Variants in JDP2 observed in about 807,000 individuals in gnomAD.
The protein encoded by JDP2 is progesterone receptor co-activator.
JDP2 carries 9 observed loss-of-function variants against 17.1 expected under a neutral mutation model. That is an observed-to-expected ratio of 0.53 (90% CI 0.32 to 0.92). The LOEUF is 0.92. Among genes scored for constraint, JDP2 ranks in the 40% least tolerant of loss-of-function variants. The pLI, the probability that JDP2 is intolerant of heterozygous loss-of-function variation, is 0.04. For missense variants in JDP2, 179 were observed against 220.0 expected, an observed-to-expected ratio of 0.81 and a Z score of 1.18; for synonymous variants, 107 against 95.6, an observed-to-expected ratio of 1.12 and a Z score of -0.69.
chr14:75,436,659 G>A (rs960463508), intron 1 of JDP2, among the ~76,000 whole-genome samples: 1 of 152,234 alleles, frequency 6.6e-6, no homozygotes, highest in African/African-American at 2.4e-5. Flanking sequence ...TGGATGGATG[G>A]GTAGGTAGGA....
intron 2 of JDP2, among the ~76,000 whole-genome samples, chr14:75,438,564 C>T (rs2052471219): frequency 1.3e-5 from 2 of 152,232 alleles, no homozygotes; most frequent in Admixed American, 1.3e-4. Context: ...TCATTAGTCA[C>T]ATCGTGACCT....
chr14:75,442,402 T>C (rs1010701739), intron 2 of JDP2, among the ~76,000 whole-genome samples: 2 of 152,156 alleles, frequency 1.3e-5, no homozygotes, highest in African/African-American at 4.8e-5. Context: ...CATTCCCCAC[T>C]ACTCACTGAT....
At chr14:75,461,636 C>A in intron 3 of JDP2, 106 bp downstream of exon 3, 2 of 853,498 alleles carry the variant, frequency 2.3e-6, no homozygotes, top group Admixed American at 2.1e-5. Context: ...TGAGCATCTG[C>A]TGGCAGCTGC....
intron 1 of JDP2, chr14:75,432,012 GC>G: frequency 2.1e-6 from 1 of 483,636 alleles, no homozygotes; most frequent in Non-Finnish European, 3.7e-6. Context: ...TAGGGAACTT[GC>G]CCAAGGGCAC....
chr14:75,472,850 A>C lies in JDP2; in HGVS notation c.*3375A>C, dbSNP rs1043665074. On this transcript the variant is annotated 3_prime_UTR_variant, in exon 4 of 4. Transcript: ENST00000651602. Reference sequence around the variant, plus strand: ...TGGTGTGATGAATGCCTGGGATCGCAGACTCCTGGATCTGTTCAGCTCCTG... The same window carrying C: ...TGGTGTGATGAATGCCTGGGATCGCCGACTCCTGGATCTGTTCAGCTCCTG... 6 of 152,306 alleles carry C rather than the reference A, an allele frequency of 3.9e-5. No homozygotes were observed. Among genetic ancestry groups the C allele is most frequent in the African/African-American group, 1.4e-4 (6 of 41,452 alleles). 9.4% of individuals were successfully genotyped at this position (152,306 alleles called of 1,614,324 possible).
At chr14:75,442,723 A>C (rs1326279684) in intron 2 of JDP2, among the ~76,000 whole-genome samples, 1 of 152,228 alleles carries the variant, frequency 6.6e-6, no homozygotes, top group Middle Eastern at 3.2e-3. Context: ...CTTCTTAAAA[A>C]GTATAAATTT....
intron 2 of JDP2, among the ~76,000 whole-genome samples, chr14:75,440,443 A>G (rs1885289152): frequency 6.6e-6 from 1 of 152,268 alleles, no homozygotes; most frequent in East Asian, 1.9e-4. Context: ...ATCTATTTGC[A>G]TATGGCAAAC....
intron 2 of JDP2, among the ~76,000 whole-genome samples, chr14:75,438,949 A>T (rs1566736891): frequency 6.6e-6 from 1 of 152,202 alleles, no homozygotes; most frequent in Admixed American, 6.5e-5. Context: ...GAGGCCTGCC[A>T]GAGTAGCTGC....
intron 1 of JDP2, among the ~76,000 whole-genome samples, chr14:75,433,993 G>A (rs974695131): frequency 2.0e-5 from 3 of 152,138 alleles, no homozygotes; most frequent in South Asian, 2.1e-4. Flanking sequence ...CTTTTAGTGC[G>A]TAGTTCTTCT....
rs1006333658 is a variant in JDP2, at chr14:75,464,847, C to T, written c.306+3317C>T. Among the ~76,000 whole-genome samples the T allele has an allele frequency of 4.6e-5, 7 of 152,206 alleles. 1 individual carries two copies. The South Asian group carries it at 1.0e-3, about 22-fold the overall frequency. ...GCTGCCTCAGTACATCCTCCATCTG[C>T]GGTCAGGAGCAGTGGCCCTGAGGCT... is the stretch of plus-strand genomic sequence containing the variant. On this transcript the variant is annotated intron_variant, in intron 3 of 3. Coordinates refer to ENST00000651602, the MANE Select transcript of JDP2 (RefSeq NM_001135048.2).
In JDP2 at chr14:75,473,926, G is replaced by A. The variant is rs1438513564; in HGVS notation, c.*4451G>A. On this transcript the variant is annotated 3_prime_UTR_variant, in exon 4 of 4. Coordinates refer to ENST00000651602, the MANE Select transcript of JDP2 (RefSeq NM_001135048.2). ...GGGATGCCACTGCAAGGGTAAGTAG[G>A]ACGCTGGACTTCAACTTCAACTATA... is the stretch of plus-strand genomic sequence containing the variant. 1 of 152,224 alleles carries A rather than the reference G, an allele frequency of 6.6e-6. No individual in the cohort carries two copies. The highest frequency in any genetic ancestry group is 1.5e-5 in the Non-Finnish European group (1 of 68,048). The allele number at this position is 152,224 out of a possible 1,614,324, so 9.4% of individuals were successfully genotyped here.
chr14:75,453,384 T>C (rs1437048298), intron 2 of JDP2, among the ~76,000 whole-genome samples: 2 of 152,136 alleles, frequency 1.3e-5, no homozygotes, highest in Non-Finnish European at 2.9e-5. Context: ...GGGCTGTTAC[T>C]CCAGGCCTGC....
At chr14:75,462,969 C>A (rs1042900655) in intron 3 of JDP2, among the ~76,000 whole-genome samples, 2 of 152,194 alleles carry the variant, frequency 1.3e-5, no homozygotes, top group Non-Finnish European at 2.9e-5. Context: ...AAGACACGAG[C>A]CTTCAAGATG....
intron 3 of JDP2, among the ~76,000 whole-genome samples, chr14:75,466,139 A>G (rs1283122024): frequency 6.6e-6 from 1 of 152,186 alleles, no homozygotes; most frequent in Non-Finnish European, 1.5e-5. Flanking sequence ...GTAAAACTAA[A>G]AGGCAGTTAG....
chr14:75,450,141 C>CGAGGAGACT (rs1161926223), intron 2 of JDP2, among the ~76,000 whole-genome samples: 10 of 152,154 alleles, frequency 6.6e-5, no homozygotes, highest in Admixed American at 6.5e-4. Flanking sequence ...GGCTGAGATA[C>CGAGGAGACT]GAGGAGACTG....
chr14:75,437,413 A>G (rs901604018), intron 1 of JDP2, among the ~76,000 whole-genome samples: 14 of 152,336 alleles, frequency 9.2e-5, no homozygotes, highest in African/African-American at 3.4e-4. Context: ...CCTCTGAAAC[A>G]GGTGTGAAGG....
In JDP2 at chr14:75,459,561, G is replaced by A. The variant is rs59032306; in HGVS notation, c.202-1865G>A. On this transcript the variant is annotated intron_variant, in intron 2 of 3. Transcript: ENST00000651602. ...CTCGGGCCCAGGCGCTCTGTCCTGA[G>A]CCCCCAGAGCATGCTGGGAGTGTGC... Among the ~76,000 whole-genome samples, 529 of 152,328 alleles carry A rather than the reference G, an allele frequency of 3.5e-3. 3 individuals are homozygous for A. Among genetic ancestry groups the A allele is most frequent in the African/African-American group, 0.012 (504 of 41,572 alleles).
chr14:75,468,074 T>A (rs1298888932), intron 3 of JDP2, among the ~76,000 whole-genome samples: 2 of 152,308 alleles, frequency 1.3e-5, no homozygotes, highest in Middle Eastern at 3.4e-3. Context: ...CCGCTCCACC[T>A]GTACCCTGCC....
At chr14:75,438,206 T>C in intron 2 of JDP2, 85 bp downstream of exon 2, 2 of 1,089,270 alleles carry the variant, frequency 1.8e-6, no homozygotes, top group South Asian at 3.1e-5. Flanking sequence ...CAAAGTGTGG[T>C]CTGAGGACCA....
Sources: gnomAD v4.1 joint callset for allele counts (sites outside exome capture counted in the v4.1 genomes callset) on GRCh38, gnomAD v4.1.1 for gene constraint, MANE v1.5 for transcripts, NCBI Gene and HGNC (gene_info 2026-07-23, HGNC 2026-07-21) for gene names.